LTN1: variants seen among roughly 807,000 people sequenced by gnomAD.
LTN1 encodes the protein E3 ubiquitin-protein ligase listerin.
Under a neutral mutation model 201.2 loss-of-function variants are expected in LTN1, and 88 were observed. The ratio of observed to expected loss-of-function variants is 0.44; its 90% confidence interval spans 0.37 to 0.52. The LOEUF (loss-of-function observed/expected upper bound fraction) is 0.52, where lower values mean the gene tolerates loss of function less well. Among genes scored for constraint, LTN1 ranks in the 20% least tolerant of loss-of-function variants. LTN1 has a pLI of 0.00. For synonymous variants in LTN1, 645 were observed against 713.5 expected (o/e 0.90, Z 1.53); for missense variants, 1,752 against 2,038.7 (o/e 0.86, Z 2.71).
chr21:28,992,722 C>T (rs369807963), intron 1 of LTN1, 42 bp downstream of exon 1: 242 of 1,611,614 alleles, frequency 1.5e-4, no homozygotes, highest in Non-Finnish European at 1.9e-4. Flanking sequence ...CCAGCCGCCT[C>T]GAAGCGAGGC....
In LTN1 at chr21:28,966,721, CAAAGGTTTTTTCCTTAGAGGAGACA is replaced by C; in HGVS notation, c.1745_1769del (p.Leu582TrpfsTer4). The C allele has an allele frequency of 6.2e-7, 1 of 1,613,990 alleles. No individual in the cohort carries two copies. The highest frequency in any genetic ancestry group is 8.5e-7 in the Non-Finnish European group (1 of 1,179,962). Reference sequence around the variant, plus strand: ...CTGCGAGTTTACAGACTAAGTCTTCCAAAGGTTTTTTCCTTAGAGGAGACAAAAGGCCTGAAGAATTATGAGTGAG... The same window carrying C: ...CTGCGAGTTTACAGACTAAGTCTTCCAAAGGCCTGAAGAATTATGAGTGAG... On this transcript the variant is annotated frameshift_variant, in exon 10 of 30. Transcript: ENST00000361371. LOFTEE classifies it high-confidence loss of function.
rs910177472 is a variant in LTN1, at chr21:28,936,388, T to G, written c.4654+138A>C. The G allele has an allele frequency of 1.4e-5, 8 of 576,800 alleles. No homozygotes were observed. The South Asian group carries it at 1.6e-4, about 12-fold the overall frequency. The allele number at this position is 576,800 out of a possible 1,614,324, so 35.7% of individuals were successfully genotyped here. On this transcript the variant is annotated intron_variant, in intron 26 of 29. Transcript: ENST00000361371. The stretch of plus-strand genomic sequence containing the variant: ...ATTATTCATCCTATTTAGAGAAATA[T>G]GGAAAATGGTCAATTTCAACATTCT...
intron 9 of LTN1, 91 bp from the exon 10 acceptor site, chr21:28,967,270 A>AGGATTTT: frequency 1.1e-6 from 1 of 888,528 alleles, no homozygotes; most frequent in Non-Finnish European, 1.7e-6. Flanking sequence ...GGAATCTCCA[A>AGGATTTT]AGTGATATCA....
intron 12 of LTN1, 132 bp downstream of exon 12, chr21:28,960,385 G>GAA: frequency 7.2e-5 from 38 of 525,728 alleles, no homozygotes; most frequent in Non-Finnish European, 8.5e-5. Context: ...GAAAAGAAAA[G>GAA]AAAAAAAAAA....
rs8129341 is a variant in LTN1, at chr21:28,990,915, G to A, written c.42+1849C>T. On this transcript the variant is annotated intron_variant, in intron 1 of 29. Transcript: ENST00000361371. Reference sequence around the variant, plus strand: ...ATGAGTGATCCTTGACTGAATCTCAGATGTTAAAACGGTTTATCTTTTTAA... The same window carrying A: ...ATGAGTGATCCTTGACTGAATCTCAAATGTTAAAACGGTTTATCTTTTTAA... 8.7e-3 allele frequency among the ~76,000 whole-genome samples: 1,330 copies of A among 152,080 alleles called. 18 individuals are homozygous for A. The highest frequency in any genetic ancestry group is 0.014 in the Non-Finnish European group (967 of 67,918).
At chr21:28,984,614 TA>T in intron 4 of LTN1, 77 bp downstream of exon 4, 1 of 1,019,488 alleles carries the variant, frequency 9.8e-7, no homozygotes, top group Non-Finnish European at 1.5e-6. Flanking sequence ...CAATCCCAAG[TA>T]AAAGAGCTGT....
chr21:28,931,186 G>T lies in LTN1; in HGVS notation c.5207C>A (p.Thr1736Lys). 6.2e-7 allele frequency: 1 copy of T among 1,612,538 alleles called. No homozygotes were observed. The highest frequency in any genetic ancestry group is 8.5e-7 in the Non-Finnish European group (1 of 1,179,492). The part of the protein sequence containing the change: ...NYSLPKKACR[T>K]CKKKFHSACL... ...GGCTGAATGGAATTTTTTCTTGCATGTTCTACAGGCTTTTTTGGGAAGGGA... is the reference window on the plus strand; with the variant it reads ...GGCTGAATGGAATTTTTTCTTGCATTTTCTACAGGCTTTTTTGGGAAGGGA... Residue 1736 changes from threonine (T) to lysine (K), a missense_variant, in exon 29 of 30, where the codon ACA becomes AAA. Around this residue, in one of 3 missense-constraint regions of LTN1, gnomAD observed 261 missense variants for 350.1 expected, o/e 0.75. Transcript: ENST00000361371.
intron 1 of LTN1, among the ~76,000 whole-genome samples, chr21:28,991,946 C>T (rs937274220): frequency 6.6e-6 from 1 of 152,244 alleles, no homozygotes; most frequent in Non-Finnish European, 1.5e-5. Flanking sequence ...TTAAGGTCGT[C>T]CTTAAGCAAG....
chr21:28,957,658 A>T (rs1259235196), intron 14 of LTN1, among the ~76,000 whole-genome samples, 182 bp from the exon 15 acceptor site: 1 of 152,166 alleles, frequency 6.6e-6, no homozygotes, highest in Non-Finnish European at 1.5e-5. Context: ...TGGGGAGGTA[A>T]TCCAATATTT....
chr21:28,968,076 AAC>A (rs2084541529), intron 9 of LTN1: 1 of 152,212 alleles, frequency 6.6e-6, no homozygotes, highest in South Asian at 2.1e-4. Flanking sequence ...GTATTTGTAA[AAC>A]ACTATTTCAT....
rs906720629 is a variant in LTN1, at chr21:28,931,091, G to A, written c.5238+64C>T. ...GGTGTGTGTGTGTGTGTGTGTGTGT[G>A]TGTGTGTGTTTATGTGTATAAAATA... On this transcript the variant is annotated intron_variant, in intron 29 of 29. Coordinates refer to ENST00000361371, the MANE Select transcript of LTN1 (RefSeq NM_015565.3). 7 of 920,336 alleles carry A rather than the reference G, an allele frequency of 7.6e-6. No individual in the cohort carries two copies. In the African/African-American group the frequency reaches 1.0e-4, roughly 13 times the overall value. The allele number at this position is 920,336 out of a possible 1,614,324, so 57.0% of individuals were successfully genotyped here.
At chr21:28,959,382 A>C in intron 13 of LTN1, 76 bp downstream of exon 13, 1 of 1,505,728 alleles carries the variant, frequency 6.6e-7, no homozygotes, top group Non-Finnish European at 8.9e-7. Flanking sequence ...CAATTAATAA[A>C]GCCTGGGCAC....
chr21:28,987,555 T>C (rs1002616783), intron 1 of LTN1, among the ~76,000 whole-genome samples: 4 of 152,170 alleles, frequency 2.6e-5, no homozygotes, highest in African/African-American at 9.7e-5. Flanking sequence ...AATTACATTA[T>C]TATAGCCATA....
At chr21:28,991,293 A>G (rs977133733) in intron 1 of LTN1, among the ~76,000 whole-genome samples, 160 of 148,224 alleles carry the variant, frequency 1.1e-3, no homozygotes, top group Non-Finnish European at 2.0e-3. Context: ...TGTCTTACAA[A>G]AAAAAAAAAA....
At chr21:28,933,761 C>T (rs1264237052) in intron 27 of LTN1, among the ~76,000 whole-genome samples, 2 of 151,426 alleles carry the variant, frequency 1.3e-5, no homozygotes, top group Non-Finnish European at 2.9e-5. Context: ...ACCACAACCT[C>T]CGCCTCCCGG....
At position 28,966,585 on chromosome 21, in the gene LTN1, C is replaced by T. The variant is rs1278179782; in HGVS notation, c.1906G>A (p.Asp636Asn). ...SSRVFKMLLG[D>N]EKQSIVQAKP... Reference sequence around the variant, plus strand: ...GCTTGGACAATACTCTGTTTTTCATCACCAAGTAGCATTTTAAATACTCGG... The same window carrying T: ...GCTTGGACAATACTCTGTTTTTCATTACCAAGTAGCATTTTAAATACTCGG... Residue 636 changes from aspartate to asparagine, a missense_variant, in exon 10 of 30, where the codon GAT becomes AAT. Around this residue, in one of 3 missense-constraint regions of LTN1, gnomAD observed 1,211 missense variants for 1,312.8 expected, o/e 0.92. Transcript: ENST00000361371. 2 of 1,614,068 alleles carry T rather than the reference C, an allele frequency of 1.2e-6. No homozygotes were observed. Among genetic ancestry groups the T allele is most frequent in the Admixed American group, 3.3e-5 (2 of 60,012 alleles).
chr21:28,942,907 AGAAAGTGCT>A (rs1248778803), intron 24 of LTN1, among the ~76,000 whole-genome samples: 1 of 152,230 alleles, frequency 6.6e-6, no homozygotes, highest in African/African-American at 2.4e-5. Flanking sequence ...CTTAAGGAAA[AGAAAGTGCT>A]CACTAAACAC....
chr21:28,947,606 ACTGTTT>A lies in LTN1; in HGVS notation c.3345-6_3345-1del. The A allele has an allele frequency of 6.4e-7, 1 of 1,551,962 alleles. No homozygotes were observed. The highest frequency in any genetic ancestry group is 8.6e-7 in the Non-Finnish European group (1 of 1,158,942). The stretch of plus-strand genomic sequence containing the variant: ...AATTGCCTTCAGTTAGTGGAAAAAA[ACTGTTT>A]AAAGAAAAAAAAAACACAAGTTAGA... On this transcript the variant is annotated splice_acceptor_variant and splice_polypyrimidine_tract_variant and intron_variant, in intron 18 of 29. Transcript: ENST00000361371. LOFTEE classifies it high-confidence loss of function.
chr21:28,963,707 T>A (rs1242295191), intron 11 of LTN1, among the ~76,000 whole-genome samples: 2 of 152,198 alleles, frequency 1.3e-5, no homozygotes, highest in Non-Finnish European at 2.9e-5. Flanking sequence ...ATAGCAGCCA[T>A]AGACAGTGAT....
Sources: allele counts gnomAD v4.1 joint callset (sites outside exome capture counted in the v4.1 genomes callset), GRCh38; gene constraint gnomAD v4.1.1; regional missense constraint gnomAD v4.1.1; transcripts MANE v1.5; gene names NCBI Gene and HGNC (gene_info 2026-07-23, HGNC 2026-07-21).